The following HECTD2 variants were observed in gnomAD, a reference collection of about 807,000 sequenced individuals.
HECTD2 encodes the protein probable E3 ubiquitin-protein ligase HECTD2.
Under a neutral mutation model 103.2 loss-of-function variants are expected in HECTD2, and 35 were observed. The observed-to-expected ratio is 0.34, with a 90% CI of 0.26 to 0.45. The LOEUF (loss-of-function observed/expected upper bound fraction) is 0.45. Ranked by LOEUF, HECTD2 falls within the 20% of genes least tolerant of loss-of-function variation. The pLI is 1.00. For missense variants in HECTD2, 596 were observed against 937.4 expected, an observed-to-expected ratio of 0.64 and a Z score of 4.76; for synonymous variants, 281 against 329.9, an observed-to-expected ratio of 0.85 and a Z score of 1.61.
At chr10:91,488,020 C>G (rs375236737) in intron 11 of HECTD2, 1 of 260,810 alleles carries the variant, frequency 3.8e-6, no homozygotes, top group Non-Finnish European at 7.3e-6. Context: ...GTAAATGCTT[C>G]TCACAGATTC....
chr10:91,423,772 A>G (rs149137847), intron 1 of HECTD2, among the ~76,000 whole-genome samples: 11 of 152,272 alleles, frequency 7.2e-5, no homozygotes, highest in African/African-American at 2.4e-4. Flanking sequence ...TTTAAAAAGT[A>G]AATTTAAAGT....
At chr10:91,477,187 C>CAA (rs1350626797) in intron 5 of HECTD2, among the ~76,000 whole-genome samples, 26 of 66,458 alleles carry the variant, frequency 3.9e-4, no homozygotes, top group Admixed American at 5.3e-4. Context: ...GACTCCGTCT[C>CAA]AAAAAAAAAA....
intron 2 of HECTD2, among the ~76,000 whole-genome samples, chr10:91,445,067 A>G (rs916482096): frequency 2.6e-5 from 4 of 152,184 alleles, no homozygotes; most frequent in African/African-American, 9.6e-5. Flanking sequence ...GAATATAACT[A>G]TGTGTAAGGG....
intron 18 of HECTD2, among the ~76,000 whole-genome samples, chr10:91,499,375 T>G (rs112531458): frequency 6.6e-6 from 1 of 152,152 alleles, no homozygotes; most frequent in Non-Finnish European, 1.5e-5. Context: ...CTACTAAGTC[T>G]TTTAGAGCTT....
At chr10:91,428,862 C>G (rs1843701381) in intron 2 of HECTD2, among the ~76,000 whole-genome samples, 2 of 151,892 alleles carry the variant, frequency 1.3e-5, no homozygotes, top group Non-Finnish European at 2.9e-5. Flanking sequence ...AATTGAATAC[C>G]CTTTATGTCC....
intron 5 of HECTD2, among the ~76,000 whole-genome samples, chr10:91,475,754 T>A (rs1845878199): frequency 6.6e-6 from 1 of 152,176 alleles, no homozygotes; most frequent in South Asian, 2.1e-4. Flanking sequence ...TAAATTGGGT[T>A]ATTTACAAAG....
chr10:91,434,060 A>G (rs1490784884), intron 2 of HECTD2, among the ~76,000 whole-genome samples: 1 of 152,016 alleles, frequency 6.6e-6, no homozygotes, highest in Non-Finnish European at 1.5e-5. Flanking sequence ...AACACACATC[A>G]TTGAACTTAG....
At position 91,505,623 on chromosome 10, in the gene HECTD2, C is replaced by A. The variant is rs1236878024; in HGVS notation, c.2210+4289C>A. On this transcript the variant is annotated intron_variant, in intron 20 of 20. Coordinates refer to ENST00000298068, the MANE Select transcript of HECTD2 (RefSeq NM_182765.6). ...TACAGGAGCACCCAGATTCATAAAG[C>A]AAGTCCTGAGTGACCTACAAAGAGA... Among the ~76,000 whole-genome samples, 6 of 149,720 alleles carry A rather than the reference C, an allele frequency of 4.0e-5. No individual in the cohort carries two copies. The Middle Eastern group carries it at 0.01, about 256-fold the overall frequency.
chr10:91,508,467 A>G (rs1360334155), intron 20 of HECTD2, among the ~76,000 whole-genome samples: 1 of 151,626 alleles, frequency 6.6e-6, no homozygotes, highest in Non-Finnish European at 1.5e-5. Flanking sequence ...GGCGAAGGAC[A>G]TGAACAGACA....
upstream of HECTD2, among the ~76,000 whole-genome samples, chr10:91,409,605 G>A (rs193160512): frequency 1.3e-5 from 2 of 152,220 alleles, no homozygotes; most frequent in Admixed American, 6.5e-5. Context: ...CAATCCTATG[G>A]GGGAAGGGGA....
At chr10:91,436,793 C>T (rs1180590712) in intron 2 of HECTD2, among the ~76,000 whole-genome samples, 1 of 151,964 alleles carries the variant, frequency 6.6e-6, no homozygotes, top group Non-Finnish European at 1.5e-5. Flanking sequence ...TTGTGATTTC[C>T]TTATTGGGGC....
At chr10:91,481,859 T>G (rs1400919822) in intron 7 of HECTD2, among the ~76,000 whole-genome samples, 1 of 151,806 alleles carries the variant, frequency 6.6e-6, no homozygotes, top group Non-Finnish European at 1.5e-5. Context: ...ATAAGTATAG[T>G]GTTTAGTACA....
chr10:91,427,415 G>C (rs967671195), intron 2 of HECTD2, among the ~76,000 whole-genome samples: 1 of 152,070 alleles, frequency 6.6e-6, no homozygotes, highest in Non-Finnish European at 1.5e-5. Flanking sequence ...AGATCCCTGA[G>C]GAATCGCCAC....
intron 20 of HECTD2, among the ~76,000 whole-genome samples, chr10:91,505,154 GCCGCTGCAAAATC>G (rs1847099554): frequency 6.6e-6 from 1 of 151,918 alleles, no homozygotes; most frequent in African/African-American, 2.4e-5. Flanking sequence ...ACCGGTACCA[GCCGCTGCAAAATC>G]ATGCCAAAAT....
intron 20 of HECTD2, 40 bp downstream of exon 20, chr10:91,501,374 T>G: frequency 3.5e-6 from 4 of 1,136,334 alleles, no homozygotes; most frequent in Non-Finnish European, 5.1e-6. Context: ...ATCTAAAGGT[T>G]ACTGCTAATA....
chr10:91,503,979 G>C (rs185316940), intron 20 of HECTD2, among the ~76,000 whole-genome samples: 3 of 152,234 alleles, frequency 2.0e-5, no homozygotes, highest in Non-Finnish European at 2.9e-5. Context: ...CCTGACCCCC[G>C]AGCAGCCTAA....
chr10:91,507,487 A>C (rs1847236966), intron 20 of HECTD2, among the ~76,000 whole-genome samples: 1 of 152,236 alleles, frequency 6.6e-6, no homozygotes, highest in African/African-American at 2.4e-5. Flanking sequence ...AATAACAGAC[A>C]AACAGCCAAA....
intron 2 of HECTD2, among the ~76,000 whole-genome samples, chr10:91,445,895 A>G (rs918188494): frequency 2.8e-4 from 42 of 152,216 alleles, no homozygotes; most frequent in Non-Finnish European, 4.9e-4. Flanking sequence ...ACCTACAGAC[A>G]AGGAGATTCT....
chr10:91,437,679 T>C (rs1272988612), intron 2 of HECTD2, among the ~76,000 whole-genome samples: 1 of 151,132 alleles, frequency 6.6e-6, no homozygotes, highest in Non-Finnish European at 1.5e-5. Context: ...TATTTTCTTA[T>C]ACTGTGTTTA....
Sources: allele counts gnomAD v4.1 joint callset (sites outside exome capture counted in the v4.1 genomes callset), GRCh38; gene constraint gnomAD v4.1.1; transcripts MANE v1.5; gene names NCBI Gene and HGNC (gene_info 2026-07-23, HGNC 2026-07-21).